The following MCC variants were observed in gnomAD, a reference collection of about 807,000 sequenced individuals.
MCC encodes MCC regulator of Wnt signaling pathway.
Under a neutral mutation model 116.2 loss-of-function variants are expected in MCC, and 90 were observed. That is an observed-to-expected ratio of 0.77 (90% CI 0.65 to 0.92). The LOEUF is 0.92. MCC is among the 40% of genes least tolerant of loss of function. The pLI is 0.00. For missense variants in MCC, 1,516 were observed against 1,312.2 expected (o/e 1.16, Z -2.40); for synonymous variants, 578 against 510.5 (o/e 1.13, Z -1.78).
At chr5:113,263,736 C>A (rs946167260) in intron 3 of MCC, among the ~76,000 whole-genome samples, 2 of 152,082 alleles carry the variant, frequency 1.3e-5, no homozygotes, top group South Asian at 4.1e-4. Context: ...CTATTACCTA[C>A]GGGGGTTATC....
chr5:113,479,518 C>T (rs116042761), intron 1 of MCC, among the ~76,000 whole-genome samples: 1,640 of 152,246 alleles, frequency 0.011, 41 homozygotes, highest in African/African-American at 0.037. Context: ...AATATGGCTT[C>T]ACTTGTATGT....
chr5:113,084,783 G>C (rs977563893), intron 9 of MCC, among the ~76,000 whole-genome samples: 1 of 152,202 alleles, frequency 6.6e-6, no homozygotes, highest in Non-Finnish European at 1.5e-5. Flanking sequence ...TGTCAGTCTT[G>C]TGAGTGGGGA....
At chr5:113,204,446 T>G (rs1208611431) in intron 3 of MCC, 1 of 152,226 alleles carries the variant, frequency 6.6e-6, no homozygotes, top group Non-Finnish European at 1.5e-5. Flanking sequence ...CACCAAATTC[T>G]AAAAATTAAG....
At chr5:113,328,294 A>G (rs1287330827) in intron 3 of MCC, among the ~76,000 whole-genome samples, 1 of 152,224 alleles carries the variant, frequency 6.6e-6, no homozygotes, top group Non-Finnish European at 1.5e-5. Flanking sequence ...CCAGTTATTC[A>G]TAGGAATAAT....
chr5:113,121,973 C>T (rs1481792590), intron 6 of MCC, among the ~76,000 whole-genome samples: 1 of 152,190 alleles, frequency 6.6e-6, no homozygotes, highest in East Asian at 1.9e-4. Context: ...TTGACTGCAA[C>T]CCAGTTAGAA....
chr5:113,059,299 G>A (rs1227691160), intron 14 of MCC, among the ~76,000 whole-genome samples: 2 of 152,196 alleles, frequency 1.3e-5, no homozygotes, highest in East Asian at 1.9e-4. Context: ...CAGCAGCGGG[G>A]AACAGATCAG....
intron 4 of MCC, among the ~76,000 whole-genome samples, chr5:113,150,707 A>G (rs1295462802): frequency 3.9e-5 from 6 of 152,186 alleles, no homozygotes; most frequent in African/African-American, 1.2e-4. Flanking sequence ...AAGATGATGT[A>G]ACATACAAAT....
At chr5:113,304,756 C>T (rs1766943141) in intron 3 of MCC, among the ~76,000 whole-genome samples, 2 of 151,622 alleles carry the variant, frequency 1.3e-5, no homozygotes, top group South Asian at 4.2e-4. Context: ...ATTTGGAAAT[C>T]CAAGGAAGTT....
At chr5:113,455,825 G>GA (rs781461338) in intron 1 of MCC, among the ~76,000 whole-genome samples, 1 of 152,124 alleles carries the variant, frequency 6.6e-6, no homozygotes, top group Non-Finnish European at 1.5e-5. Context: ...GAAAACTTGT[G>GA]AAAAAGCCGT....
At chr5:113,081,261 T>C (rs1197892348) in intron 11 of MCC, among the ~76,000 whole-genome samples, 2 of 152,016 alleles carry the variant, frequency 1.3e-5, no homozygotes, top group Admixed American at 6.6e-5. Context: ...AGGGTAAGGG[T>C]TGGAATTCTG....
chr5:113,282,352 G>A (rs796680445), intron 3 of MCC, among the ~76,000 whole-genome samples: 1 of 152,148 alleles, frequency 6.6e-6, no homozygotes, highest in Admixed American at 6.5e-5. Flanking sequence ...GGGTTTGAAG[G>A]CAGCTTTATC....
chr5:113,424,467 C>G (rs901960475), intron 1 of MCC, among the ~76,000 whole-genome samples: 1 of 152,152 alleles, frequency 6.6e-6, no homozygotes, highest in Admixed American at 6.5e-5. Flanking sequence ...GTAATCCCAG[C>G]ACTTTGGGAG....
chr5:113,103,761 C>G (rs958005758), intron 7 of MCC, among the ~76,000 whole-genome samples: 2 of 152,158 alleles, frequency 1.3e-5, no homozygotes, highest in African/African-American at 4.8e-5. Flanking sequence ...TGTGCAGATG[C>G]AACAAATTCC....
intron 14 of MCC, 74 bp from the exon 15 acceptor site, chr5:113,054,033 ACTCTT>A (rs774145712): frequency 2.9e-6 from 3 of 1,039,306 alleles, no homozygotes; most frequent in Non-Finnish European, 4.4e-6. Flanking sequence ...TTTCCTCCTC[ACTCTT>A]CTCCACATTC....
intron 1 of MCC, among the ~76,000 whole-genome samples, chr5:113,415,461 C>T (rs1395041279): frequency 6.6e-6 from 1 of 152,094 alleles, no homozygotes; most frequent in Non-Finnish European, 1.5e-5. Flanking sequence ...AGGCTTTGTT[C>T]GTTTCTTTTT....
intron 6 of MCC, among the ~76,000 whole-genome samples, chr5:113,109,263 C>CTGGA (rs1286555304): frequency 6.6e-6 from 1 of 151,994 alleles, no homozygotes; most frequent in African/African-American, 2.4e-5. Context: ...TGGAAGTAGC[C>CTGGA]CAGGGGTATA....
intron 6 of MCC, among the ~76,000 whole-genome samples, chr5:113,116,961 G>T (rs1313803234): frequency 6.6e-6 from 1 of 152,222 alleles, no homozygotes; most frequent in Non-Finnish European, 1.5e-5. Context: ...AAAGAAAAAG[G>T]TAACAAAGGG....
At chr5:113,474,957 G>C (rs1201805211) in intron 1 of MCC, among the ~76,000 whole-genome samples, 1 of 152,138 alleles carries the variant, frequency 6.6e-6, no homozygotes, top group Non-Finnish European at 1.5e-5. Context: ...ATTTTGTTAA[G>C]CTTCTCATTT....
chr5:113,198,103 A>G lies in MCC; in HGVS notation c.628-46681T>C, dbSNP rs531202642. 6.6e-5 allele frequency among the ~76,000 whole-genome samples: 10 copies of G among 152,370 alleles called. No homozygotes were observed. The East Asian group carries it at 1.5e-3, about 23-fold the overall frequency. On this transcript the variant is annotated intron_variant, in intron 3 of 18. Coordinates refer to ENST00000408903, the MANE Select transcript of MCC (RefSeq NM_001085377.2). Reference sequence around the variant, plus strand: ...CACTGCAGGCCTTCTTTGTCATACTATGTATAAGTCTAGCATAAAGCAAGT... The same window carrying G: ...CACTGCAGGCCTTCTTTGTCATACTGTGTATAAGTCTAGCATAAAGCAAGT...
Sources: gnomAD v4.1 joint callset for allele counts (sites outside exome capture counted in the v4.1 genomes callset) on GRCh38, gnomAD v4.1.1 for gene constraint, MANE v1.5 for transcripts, NCBI Gene and HGNC (gene_info 2026-07-23, HGNC 2026-07-21) for gene names.